The following IARS2 variants were observed in gnomAD, a reference collection of about 807,000 sequenced individuals.
IARS2 encodes the protein isoleucine--tRNA ligase, mitochondrial.
In IARS2, 56 loss-of-function variants were observed where a neutral mutation model predicts 126.3. The ratio of observed to expected loss-of-function variants is 0.44; its 90% CI spans 0.36 to 0.55. The LOEUF is 0.55. IARS2 is among the 20% of genes least tolerant of loss of function. IARS2 has a pLI of 0.00. For synonymous variants in IARS2, 407 were observed against 441.1 expected (o/e 0.92, Z 0.97); for missense variants, 1,127 against 1,245.9 (o/e 0.90, Z 1.44).
chr1:220,147,713 A>G lies in IARS2; in HGVS notation c.*78A>G. On this transcript the variant is annotated 3_prime_UTR_variant, in exon 23 of 23. Transcript: ENST00000366922. ...TGGATGGATTATTTACAATATAGGAAAGAAAGCCAAGATTTAGGTAATGAG... is the reference window on the plus strand; with the variant it reads ...TGGATGGATTATTTACAATATAGGAGAGAAAGCCAAGATTTAGGTAATGAG... 1.4e-6 allele frequency: 2 copies of G among 1,463,592 alleles called. No homozygotes were observed. The highest frequency in any genetic ancestry group is 1.9e-6 in the Non-Finnish European group (2 of 1,069,300). The allele number at this position is 1,463,592 out of a possible 1,614,324, so 90.7% of individuals were successfully genotyped here. A position where few individuals can be genotyped will look rare whatever the true frequency, so the allele number is the denominator to read the frequency against.
rs1657548094 is a variant in IARS2 at position 220,144,340 on chromosome 1, A to C, written c.2752-1169A>C. ...CTTGAGAGCATCAGCCAGGACATTC[A>C]TGCGCACCATTGTGGTGGTGCAGAA... On this transcript the variant is annotated intron_variant, in intron 21 of 22. Coordinates refer to ENST00000366922, the MANE Select transcript of IARS2 (RefSeq NM_018060.4). The C allele has an allele frequency of 1.6e-5, 12 of 727,950 alleles. No individual in the cohort carries two copies. The South Asian group carries it at 1.8e-4, about 11-fold the overall frequency. 45.1% of individuals were successfully genotyped at this position (727,950 alleles called of 1,614,324 possible). A position where few individuals can be genotyped will look rare whatever the true frequency, so the allele number is the denominator to read the frequency against.
chr1:220,095,665 A>G (rs1558117442), intron 1 of IARS2, among the ~76,000 whole-genome samples: 1 of 152,140 alleles, frequency 6.6e-6, no homozygotes, highest in Non-Finnish European at 1.5e-5. Context: ...GAGGGAAGGG[A>G]AGTGACTTAG....
intron 21 of IARS2, among the ~76,000 whole-genome samples, chr1:220,145,014 T>TATCA (rs1195986987): frequency 6.6e-6 from 1 of 151,726 alleles, no homozygotes; most frequent in Non-Finnish European, 1.5e-5. Flanking sequence ...AGATTGCCAC[T>TATCA]ATCAGTATAC....
At position 220,102,759 on chromosome 1, in the gene IARS2, G is replaced by A; in HGVS notation, c.932G>A (p.Cys311Tyr). ...ACGATTCCAGCCAATGAAGCTGTTTGCTATATGCCTGAATCAAAGTGGGTA... is the reference window on the plus strand; with the variant it reads ...ACGATTCCAGCCAATGAAGCTGTTTACTATATGCCTGAATCAAAGTGGGTA... The part of the protein sequence containing the change: ...PWTIPANEAV[C>Y]YMPESKYAVV... Residue 311 changes from cysteine (C) to tyrosine (Y), a missense_variant, in exon 7 of 23, where the codon TGC becomes TAC. Cys to Tyr is a radical substitution (Grantham distance 194, BLOSUM62 -2). Transcript: ENST00000366922. The A allele has an allele frequency of 6.2e-7, 1 of 1,611,162 alleles. No homozygotes were observed. Among genetic ancestry groups the A allele is most frequent in the Non-Finnish European group, 8.5e-7 (1 of 1,177,388 alleles).
chr1:220,102,305 A>G, intron 4 of IARS2, 28 bp downstream of exon 4: 1 of 1,603,464 alleles, frequency 6.2e-7, no homozygotes, highest in Non-Finnish European at 8.5e-7. Context: ...CTCTTTGAGT[A>G]GGTTTTAGTA....
At chr1:220,094,835 C>G (rs1656403185) in intron 1 of IARS2, among the ~76,000 whole-genome samples, 1 of 152,052 alleles carries the variant, frequency 6.6e-6, no homozygotes, top group South Asian at 2.1e-4. Context: ...ATTCACATGT[C>G]CACATGTAAA....
Position 220,121,282 on chromosome 1 carries a change from G to A in IARS2, c.1641-3955G>A, listed in dbSNP as rs187485573. On this transcript the variant is annotated intron_variant, in intron 12 of 22. Transcript: ENST00000366922. ...CTTTCCTCCTCACTAAGAGACTTTTGTCAGTTTTTTTAAAAAGTTTTTTAA... is the reference window on the plus strand; with the variant it reads ...CTTTCCTCCTCACTAAGAGACTTTTATCAGTTTTTTTAAAAAGTTTTTTAA... Among the ~76,000 whole-genome samples the A allele has an allele frequency of 1.5e-4, 23 of 152,134 alleles. No individual in the cohort carries two copies. In the East Asian group the frequency reaches 4.4e-3, roughly 29 times the overall value.
intron 17 of IARS2, 69 bp downstream of exon 17, chr1:220,138,112 A>T (rs1657416062): frequency 1.3e-6 from 2 of 1,522,958 alleles, no homozygotes; most frequent in Non-Finnish European, 1.8e-6. Flanking sequence ...AAAATGAGAC[A>T]CATTTTGTTT....
chr1:220,139,069 C>G lies in IARS2; in HGVS notation c.2237C>G (p.Ser746Cys), dbSNP rs369797279. 1 of 1,612,852 alleles carries G rather than the reference C, an allele frequency of 6.2e-7. No individual in the cohort carries two copies. The highest frequency in any genetic ancestry group is 1.3e-5 in the African/African-American group (1 of 74,988). ...GCTGATTTCAACCCAGAAACAGATT[C>G]CATCCCTGTAAACGATATGTATGTC... ...NVADFNPETD[S>C]IPVNDMYVID... The change falls in exon 18 of 23, where the codon TCC (serine) becomes TGC (cysteine). Residue 746 changes from serine to cysteine, a missense_variant. Transcript: ENST00000366922.
chr1:220,139,980 G>C (rs1369314565), intron 18 of IARS2, among the ~76,000 whole-genome samples: 1 of 152,152 alleles, frequency 6.6e-6, no homozygotes, highest in East Asian at 1.9e-4. Context: ...GTAGTTCTCA[G>C]AGTAAAATAG....
chr1:220,099,095 C>T (rs908153347), intron 2 of IARS2, among the ~76,000 whole-genome samples: 12 of 151,770 alleles, frequency 7.9e-5, no homozygotes, highest in Admixed American at 7.2e-4. Context: ...TGCCTGTAAT[C>T]CAGCTACTTA....
At chr1:220,126,934 T>G in intron 14 of IARS2, 91 bp downstream of exon 14, 2 of 870,236 alleles carry the variant, frequency 2.3e-6, no homozygotes, top group South Asian at 3.3e-5. Flanking sequence ...ACTCTTTTTC[T>G]GTGTGTGCTT....
intron 10 of IARS2, among the ~76,000 whole-genome samples, chr1:220,108,639 C>T (rs1656731037): frequency 6.6e-6 from 1 of 151,958 alleles, no homozygotes; most frequent in African/African-American, 2.4e-5. Context: ...CCTGCCTTGG[C>T]CTCCCAAAAT....
chr1:220,116,829 C>G (rs1380143870), intron 12 of IARS2, among the ~76,000 whole-genome samples: 1 of 152,094 alleles, frequency 6.6e-6, no homozygotes, highest in African/African-American at 2.4e-5. Context: ...TCACTACAAC[C>G]TCCACCTCCC....
rs1657635294 is a variant in IARS2, at chr1:220,147,764, G to A, written c.*129G>A. 1.2e-6 allele frequency: 1 copy of A among 843,116 alleles called. No homozygotes were observed. Among genetic ancestry groups the A allele is most frequent in the Non-Finnish European group, 1.8e-6 (1 of 542,850 alleles). 52.2% of individuals were successfully genotyped at this position (843,116 alleles called of 1,614,324 possible). A position where few individuals can be genotyped will look rare whatever the true frequency, so the allele number is the denominator to read the frequency against. On this transcript the variant is annotated 3_prime_UTR_variant, in exon 23 of 23. Coordinates refer to ENST00000366922, the MANE Select transcript of IARS2 (RefSeq NM_018060.4). The stretch of plus-strand genomic sequence containing the variant: ...TGGATGAGTAAATGGTGGAGGATGG[G>A]AGTCAAAATCAGAATTATAGAAGAA...
At position 220,137,864 on chromosome 1, in the gene IARS2, G is replaced by T. The variant is rs201346850; in HGVS notation, c.2050-54G>T. The stretch of plus-strand genomic sequence containing the variant: ...GGAGCTTTACCTAAAACATTTGTTC[G>T]GCTAATTGGAATTGAAAGCCATTGT... On this transcript the variant is annotated intron_variant, in intron 16 of 22. Transcript: ENST00000366922. The T allele has an allele frequency of 3.7e-6, 6 of 1,600,828 alleles. No homozygotes were observed. In the East Asian group the frequency reaches 1.3e-4, roughly 36 times the overall value.
intron 3 of IARS2, among the ~76,000 whole-genome samples, chr1:220,101,662 C>G (rs1201391398): frequency 6.6e-6 from 1 of 151,194 alleles, no homozygotes; most frequent in African/African-American, 2.4e-5. Context: ...AGATCCGCCA[C>G]TGCATGCCAA....
intron 17 of IARS2, among the ~76,000 whole-genome samples, chr1:220,138,343 C>T (rs1200314582): frequency 6.6e-6 from 1 of 152,054 alleles, no homozygotes; most frequent in Non-Finnish European, 1.5e-5. Context: ...TGGTGGCATG[C>T]ACCTGTAGTC....
rs746637602 is a variant in IARS2 at position 220,110,771 on chromosome 1, T to G, written c.1328-15T>G. 9.9e-5 allele frequency: 112 copies of G among 1,127,308 alleles called. No individual in the cohort carries two copies. The East Asian group carries it at 1.0e-3, about 10-fold the overall frequency. The allele number at this position is 1,127,308 out of a possible 1,614,324, so 69.8% of individuals were successfully genotyped here. On this transcript the variant is annotated splice_polypyrimidine_tract_variant and intron_variant, in intron 10 of 22. Coordinates refer to ENST00000366922, the MANE Select transcript of IARS2 (RefSeq NM_018060.4). ...CTTTTTAATTATGTCTAATTTGGTG[T>G]TTTTTTTTTTAAAGTTATAAAGATG...
Sources: gnomAD v4.1 joint callset for allele counts (sites outside exome capture counted in the v4.1 genomes callset) on GRCh38, gnomAD v4.1.1 for gene constraint, MANE v1.5 for transcripts, NCBI Gene and HGNC (gene_info 2026-07-23, HGNC 2026-07-21) for gene names.